The following ABL1 variants were observed in gnomAD, a reference collection of about 807,000 sequenced individuals.
ABL1 encodes the protein ABL proto-oncogene 1, non-receptor tyrosine kinase.
ABL1 carries 11 observed loss-of-function variants against 94.7 expected under a neutral mutation model. That is an observed-to-expected ratio of 0.12 (90% CI 0.07 to 0.19). The LOEUF is 0.19. Among genes scored for constraint, ABL1 ranks in the 10% least tolerant of loss-of-function variants. ABL1 has a pLI of 1.00. For synonymous variants in ABL1, 656 were observed against 622.4 expected (o/e 1.05, Z -0.80); for missense variants, 1,082 against 1,489.4 (o/e 0.73, Z 4.50).
chr9:130,853,889 G>A (rs546740792), intron 1 of ABL1, among the ~76,000 whole-genome samples, 175 bp from the exon 2 acceptor site: 1 of 152,130 alleles, frequency 6.6e-6, no homozygotes, highest in Admixed American at 6.5e-5. Flanking sequence ...ATTTAGTAAA[G>A]GAAGAGTTTT....
chr9:130,770,258 A>G (rs1305823891), intron 1 of ABL1, among the ~76,000 whole-genome samples: 3 of 152,100 alleles, frequency 2.0e-5, no homozygotes, highest in African/African-American at 4.8e-5. Context: ...AGTAATCCCA[A>G]TGCTTTGAGA....
chr9:130,832,279 C>T (rs889917442), upstream of ABL1, among the ~76,000 whole-genome samples: 3 of 151,182 alleles, frequency 2.0e-5, no homozygotes, highest in African/African-American at 4.9e-5. Flanking sequence ...CCCGCTACCA[C>T]GCCCAGCTAA....
chr9:130,850,914 T>G lies in ABL1; in HGVS notation c.80-3150T>G, dbSNP rs547637716. 1.1e-4 allele frequency among the ~76,000 whole-genome samples: 14 copies of G among 131,396 alleles called. No homozygotes were observed. The South Asian group carries it at 3.0e-3, about 28-fold the overall frequency. The allele number at this position is 131,396 out of a possible 152,430, so 86.2% of individuals were successfully genotyped here. A position where few individuals can be genotyped will look rare whatever the true frequency, so the allele number is the denominator to read the frequency against. On this transcript the variant is annotated intron_variant, in intron 1 of 10. Coordinates refer to ENST00000318560, the MANE Select transcript of ABL1 (RefSeq NM_005157.6). ...TCACGTTGTTGTTTTTTGTTTGTTTTTGTTTGTTTGTTTGTTTGTTTGTTT... is the reference window on the plus strand; with the variant it reads ...TCACGTTGTTGTTTTTTGTTTGTTTGTGTTTGTTTGTTTGTTTGTTTGTTT...
At chr9:130,804,700 C>G (rs1336530029) in intron 1 of ABL1, among the ~76,000 whole-genome samples, 1 of 152,110 alleles carries the variant, frequency 6.6e-6, no homozygotes, top group East Asian at 1.9e-4. Context: ...CAAACGAGAT[C>G]CTACTGGACC....
intron 1 of ABL1, among the ~76,000 whole-genome samples, chr9:130,734,925 A>T (rs1831715382): frequency 6.6e-6 from 1 of 152,124 alleles, no homozygotes; most frequent in African/African-American, 2.4e-5. Flanking sequence ...TTATGCTGTT[A>T]TGAAATTTTA....
rs112332913 is a variant in ABL1, at chr9:130,858,587, G to A, written c.549+3491G>A. ...TCGAGGGGGTGTATTGGGTGGGATC[G>A]TATCACTGGAATGAGTGAACATCGT... On this transcript the variant is annotated intron_variant, in intron 3 of 10. Transcript: ENST00000318560. 1.4e-3 allele frequency among the ~76,000 whole-genome samples: 215 copies of A among 152,242 alleles called. 2 individuals are homozygous for A. Among genetic ancestry groups the A allele is most frequent in the African/African-American group, 4.4e-3 (182 of 41,532 alleles).
chr9:130,713,851 T>C (rs1342507120), exon 1 of ABL1: 4 of 225,684 alleles, frequency 1.8e-5, no homozygotes, highest in Non-Finnish European at 2.6e-5. Flanking sequence ...GGCAGGAAAT[T>C]TGTTGGAAGA....
intron 1 of ABL1, among the ~76,000 whole-genome samples, chr9:130,757,114 G>T (rs1832050329): frequency 2.0e-5 from 3 of 152,178 alleles, no homozygotes; most frequent in African/African-American, 7.2e-5. Flanking sequence ...AGAACCTGAG[G>T]CCGGCTGTGT....
chr9:130,867,919 A>C (rs1588274738), intron 4 of ABL1, among the ~76,000 whole-genome samples: 1 of 149,420 alleles, frequency 6.7e-6, no homozygotes, highest in East Asian at 1.9e-4. Flanking sequence ...TCCTCAGTCT[A>C]ACTCTATCCC....
chr9:130,814,114 G>A lies in ABL1; in HGVS notation c.137-39950G>A, dbSNP rs137855321. On this transcript the variant is annotated intron_variant, in intron 1 of 10. Coordinates refer to the ABL1 transcript ENST00000372348. This position sits in a 1 kb window ranked among gnomAD's most constrained non-coding sequence, Gnocchi z 4.4. ...ATCCCGGCCAACATGGTGAAACCCC[G>A]TCTCTACTAACCATACAAAAATTAG... is the stretch of plus-strand genomic sequence containing the variant. Among the ~76,000 whole-genome samples the A allele has an allele frequency of 3.2e-4, 48 of 152,016 alleles. No individual in the cohort carries two copies. The highest frequency in any genetic ancestry group is 6.0e-4 in the Non-Finnish European group (41 of 67,946).
chr9:130,875,070 A>G lies in ABL1; in HGVS notation c.1270+18A>G, dbSNP rs886250094. Reference sequence around the variant, plus strand: ...CGTCTGGGGTAAGGGCTGCTGCTGCACTGAAGTGGTCCTTCCTGACTACAG... The same window carrying G: ...CGTCTGGGGTAAGGGCTGCTGCTGCGCTGAAGTGGTCCTTCCTGACTACAG... On this transcript the variant is annotated intron_variant, in intron 7 of 10. Transcript: ENST00000318560. The G allele has an allele frequency of 1.2e-6, 2 of 1,613,062 alleles. No individual in the cohort carries two copies. Among genetic ancestry groups the G allele is most frequent in the Admixed American group, 3.3e-5 (2 of 59,936 alleles).
rs774938014 is a variant in ABL1 at position 130,854,050 on chromosome 9, C to A, written c.80-14C>A. The A allele has an allele frequency of 1.9e-6, 3 of 1,587,414 alleles. No individual in the cohort carries two copies. The highest frequency in any genetic ancestry group is 1.7e-6 in the Non-Finnish European group (2 of 1,168,148). The stretch of plus-strand genomic sequence containing the variant: ...TTCCTTTTTCTTTTTTCTGTTCCCC[C>A]CTTTCTCTTCCAGAAGCCCTTCAGC... On this transcript the variant is annotated splice_polypyrimidine_tract_variant and intron_variant, in intron 1 of 10. Transcript: ENST00000318560.
intron 4 of ABL1, among the ~76,000 whole-genome samples, chr9:130,864,979 C>T (rs1440466129): frequency 6.6e-6 from 1 of 152,148 alleles, no homozygotes; most frequent in African/African-American, 2.4e-5. Context: ...TTTGAGGAAA[C>T]GCTACTTCAG....
At chr9:130,742,956 T>C (rs1017064737) in intron 1 of ABL1, among the ~76,000 whole-genome samples, 6 of 152,210 alleles carry the variant, frequency 3.9e-5, no homozygotes, top group Admixed American at 6.5e-5. Flanking sequence ...GGTACAAAAT[T>C]TTTTTGTTTC....
chr9:130,849,305 A>G (rs1399561336), intron 1 of ABL1, among the ~76,000 whole-genome samples: 1 of 152,178 alleles, frequency 6.6e-6, no homozygotes, highest in African/African-American at 2.4e-5. Flanking sequence ...CTAGAGGTAA[A>G]TCAGATATTA....
At chr9:130,811,215 G>C (rs572893555) in intron 1 of ABL1, among the ~76,000 whole-genome samples, 37 of 152,260 alleles carry the variant, frequency 2.4e-4, no homozygotes, top group African/African-American at 7.9e-4. Flanking sequence ...GGAGCCACCA[G>C]GAGTCCCAGG....
At position 130,739,895 on chromosome 9, in the gene ABL1, C is replaced by G. The variant is rs568538540; in HGVS notation, c.136+25440C>G. On this transcript the variant is annotated intron_variant, in intron 1 of 10. Coordinates refer to the ABL1 transcript ENST00000372348. ...ACCCCAACATAGGGAGACCGCATCT[C>G]TACAGAAAATAAAAAATAACAATAA... Among the ~76,000 whole-genome samples the G allele has an allele frequency of 3.9e-5, 6 of 152,110 alleles. No homozygotes were observed. The South Asian group carries it at 1.2e-3, about 32-fold the overall frequency.
At chr9:130,838,024 T>G (rs768338619) in intron 1 of ABL1, among the ~76,000 whole-genome samples, 35 of 152,248 alleles carry the variant, frequency 2.3e-4, no homozygotes, top group Non-Finnish European at 4.7e-4. Flanking sequence ...CTGGTAAACA[T>G]AAAGATGGCT....
intron 1 of ABL1, among the ~76,000 whole-genome samples, chr9:130,762,704 G>T (rs928492408): frequency 6.6e-5 from 10 of 152,082 alleles, no homozygotes; most frequent in Admixed American, 1.3e-4. Context: ...AAAGTCAGGA[G>T]ATCGAGACCA....
Sources: allele counts gnomAD v4.1 joint callset (sites outside exome capture counted in the v4.1 genomes callset), GRCh38; gene constraint gnomAD v4.1.1; non-coding constraint Gnocchi (gnomAD v3.1); transcripts MANE v1.5; gene names NCBI Gene and HGNC (gene_info 2026-07-23, HGNC 2026-07-21).